DNAH14: variants seen among roughly 807,000 people sequenced by gnomAD.
DNAH14 encodes axonemal beta dynein heavy chain 14.
A neutral mutation model predicts 520.9 loss-of-function variants in DNAH14; 478 were observed. The ratio of observed to expected loss-of-function variants is 0.92; its 90% CI spans 0.85 to 0.99. DNAH14 has a LOEUF of 0.99. Ranked by LOEUF, DNAH14 falls within the 50% of genes least tolerant of loss-of-function variation. The probability of loss-of-function intolerance (pLI) is 0.00; values close to 1 mark genes in which losing one functional copy is unlikely to be tolerated. For missense variants in DNAH14, 4,831 were observed against 5,234.5 expected (o/e 0.92, Z 2.38); for synonymous variants, 1,581 against 1,757.2 (o/e 0.90, Z 2.51).
At chr1:225,078,768 A>ATC (rs1170812870) in intron 17 of DNAH14, among the ~76,000 whole-genome samples, 10 of 15,682 alleles carry the variant, frequency 6.4e-4, no homozygotes, top group Non-Finnish European at 1.0e-3. Context: ...CCCATTCTCA[A>ATC]TCTCTCTCTC....
intron 84 of DNAH14, 83 bp from the exon 85 acceptor site, chr1:225,398,437 C>T (rs41307670): frequency 8.2e-6 from 12 of 1,467,850 alleles, no homozygotes; most frequent in South Asian, 2.6e-5. Flanking sequence ...CCCTCTGGAT[C>T]GGTCGGCTCA....
At chr1:225,154,386 C>T (rs34468096) in intron 34 of DNAH14, among the ~76,000 whole-genome samples, 18,796 of 151,852 alleles carry the variant, frequency 0.12, 1,314 homozygotes, top group East Asian at 0.31. Context: ...CTAAAGTTCA[C>T]ATGGAAAAAT....
intron 61 of DNAH14, 33 bp downstream of exon 61, chr1:225,318,710 AGCTC>A: frequency 6.6e-7 from 1 of 1,521,962 alleles, no homozygotes; most frequent in Admixed American, 2.2e-5. Context: ...GAGTTGGAAA[AGCTC>A]AGAAAAAAAC....
intron 60 of DNAH14, among the ~76,000 whole-genome samples, chr1:225,310,058 G>T (rs1399683900): frequency 1.3e-5 from 2 of 149,782 alleles, no homozygotes; most frequent in Non-Finnish European, 3.0e-5. Context: ...AATAAAAAAA[G>T]AAAAATAAAT....
Position 225,289,846 on chromosome 1 carries a change from A to G in DNAH14, c.8272-39A>G, listed in dbSNP as rs1324632029. 7.9e-6 allele frequency: 10 copies of G among 1,258,634 alleles called. No individual in the cohort carries two copies. The African/African-American group carries it at 9.3e-5, about 12-fold the overall frequency. The allele number at this position is 1,258,634 out of a possible 1,614,324, so 78.0% of individuals were successfully genotyped here. A position where few individuals can be genotyped will look rare whatever the true frequency, so the allele number is the denominator to read the frequency against. The stretch of plus-strand genomic sequence containing the variant: ...AAACTATACGTTGAAAGATTCCCAG[A>G]AAATGTATGTCATGTGTTGTATTTC... On this transcript the variant is annotated intron_variant, in intron 54 of 85. Coordinates refer to ENST00000682510, the MANE Select transcript of DNAH14 (RefSeq NM_001367479.1).
intron 15 of DNAH14, among the ~76,000 whole-genome samples, chr1:225,045,503 A>G (rs2067876852): frequency 1.3e-5 from 2 of 152,146 alleles, no homozygotes; most frequent in South Asian, 4.2e-4. Context: ...GCATATATTA[A>G]TAGTTGTTAT....
At chr1:225,226,046 A>T (rs1030563265) in intron 41 of DNAH14, among the ~76,000 whole-genome samples, 5 of 152,190 alleles carry the variant, frequency 3.3e-5, no homozygotes, top group Non-Finnish European at 7.3e-5. Context: ...GTTCCTTGAT[A>T]TACTTTCTGT....
intron 41 of DNAH14, among the ~76,000 whole-genome samples, chr1:225,226,103 C>G (rs2090504762): frequency 6.6e-6 from 1 of 152,224 alleles, no homozygotes; most frequent in Non-Finnish European, 1.5e-5. Flanking sequence ...TATTCTCTCA[C>G]TCTGCCTGCA....
chr1:225,168,507 A>C lies in DNAH14; in HGVS notation c.5535+479A>C, dbSNP rs967823116. 3.0e-4 allele frequency among the ~76,000 whole-genome samples: 46 copies of C among 152,340 alleles called. 1 individual carries two copies. The highest frequency in any genetic ancestry group is 4.1e-4 in the Non-Finnish European group (28 of 68,028). ...AACAGCACACCAGGAGATTATATCC[A>C]GTGCCTGGCTTGGAGGGTCCTATAC... On this transcript the variant is annotated intron_variant, in intron 36 of 85. Coordinates refer to ENST00000682510, the MANE Select transcript of DNAH14 (RefSeq NM_001367479.1).
chr1:225,002,499 C>T (rs2063839766), intron 8 of DNAH14, among the ~76,000 whole-genome samples: 1 of 151,932 alleles, frequency 6.6e-6, no homozygotes, highest in Admixed American at 6.6e-5. Flanking sequence ...ATAATACTTC[C>T]TCATATTTCA....
At chr1:225,259,374 A>G in intron 46 of DNAH14, 121 bp downstream of exon 46, 1 of 694,762 alleles carries the variant, frequency 1.4e-6, no homozygotes, top group Admixed American at 4.1e-5. Flanking sequence ...ATCATTCAAA[A>G]GAGGAGATAA....
At chr1:225,372,297 T>A (rs531313340) in intron 77 of DNAH14, among the ~76,000 whole-genome samples, 49 of 152,180 alleles carry the variant, frequency 3.2e-4, no homozygotes, top group African/African-American at 1.1e-3. Context: ...AAAAGAAAAA[T>A]CCTGAAAGGG....
intron 62 of DNAH14, 79 bp from the exon 63 acceptor site, chr1:225,324,143 C>T: frequency 6.8e-7 from 1 of 1,479,354 alleles, no homozygotes; most frequent in Non-Finnish European, 9.1e-7. Context: ...AATAAAATTT[C>T]AATCTAGTGT....
chr1:224,933,632 C>T (rs1419988665), intron 1 of DNAH14, among the ~76,000 whole-genome samples: 1 of 152,050 alleles, frequency 6.6e-6, no homozygotes, highest in African/African-American at 2.4e-5. Flanking sequence ...GAGTTTTTAT[C>T]ATGAAGCAAT....
intron 66 of DNAH14, among the ~76,000 whole-genome samples, chr1:225,335,356 T>C (rs199669556): frequency 2.3e-4 from 14 of 61,752 alleles, no homozygotes; most frequent in African/African-American, 4.1e-4. Flanking sequence ...TGTATATGCA[T>C]ATACACGTGT....
intron 84 of DNAH14, among the ~76,000 whole-genome samples, chr1:225,393,806 C>CTTT (rs375050737): frequency 3.3e-5 from 4 of 120,930 alleles, no homozygotes; most frequent in Non-Finnish European, 5.6e-5. Flanking sequence ...AGTGATATAT[C>CTTT]TTTTTTTGTT....
At chr1:225,176,447 A>G (rs2083342987) in intron 36 of DNAH14, among the ~76,000 whole-genome samples, 1 of 152,138 alleles carries the variant, frequency 6.6e-6, no homozygotes, top group African/African-American at 2.4e-5. Context: ...GAAATATTCT[A>G]TTAGGTTCAC....
rs2094581640 is a variant in DNAH14, at chr1:225,322,823, G to A, written c.9495G>A (p.Lys3165=). 1.3e-6 allele frequency: 2 copies of A among 1,545,520 alleles called. No homozygotes were observed. Among genetic ancestry groups the A allele is most frequent in the Non-Finnish European group, 1.8e-6 (2 of 1,142,236 alleles). The change falls in exon 62 of 86, where the codon AAG becomes AAA. Residue 3165 remains lysine, a splice_region_variant and synonymous_variant. Coordinates refer to ENST00000682510, the MANE Select transcript of DNAH14 (RefSeq NM_001367479.1). ...INLDKDSIPD[K]VFVKLKKIVT... ...TTGACAAGGACAGCATACCTGATAAGGTAAAAAGTTGATCTCTAATTGATG... is the reference window on the plus strand; with the variant it reads ...TTGACAAGGACAGCATACCTGATAAAGTAAAAAGTTGATCTCTAATTGATG...
intron 8 of DNAH14, among the ~76,000 whole-genome samples, chr1:224,983,995 C>T (rs1558595844): frequency 6.6e-6 from 1 of 152,032 alleles, no homozygotes; most frequent in Non-Finnish European, 1.5e-5. Context: ...TCAACCCAAT[C>T]CCCACCAAAA....
Sources: allele counts gnomAD v4.1 joint callset (sites outside exome capture counted in the v4.1 genomes callset), GRCh38; gene constraint gnomAD v4.1.1; transcripts MANE v1.5; gene names NCBI Gene and HGNC (gene_info 2026-07-23, HGNC 2026-07-21).